The following ADK variants were observed in gnomAD, a reference collection of about 807,000 sequenced individuals.
The protein encoded by ADK is adenosine kinase.
Under a neutral mutation model 44.7 loss-of-function variants are expected in ADK, and 24 were observed. That is an observed-to-expected ratio of 0.54 (90% confidence interval 0.39 to 0.76). The LOEUF (loss-of-function observed/expected upper bound fraction) is 0.76. Ranked by LOEUF, ADK falls within the 30% of genes least tolerant of loss-of-function variation. ADK has a pLI of 0.00. For synonymous variants in ADK, 128 were observed against 142.6 expected, an observed-to-expected ratio of 0.90 and a Z score of 0.73; for missense variants, 321 against 425.1, an observed-to-expected ratio of 0.76 and a Z score of 2.15.
intron 6 of ADK, among the ~76,000 whole-genome samples, chr10:74,480,456 T>G (rs1019722388): frequency 8.3e-4 from 126 of 152,112 alleles, no homozygotes; most frequent in African/African-American, 3.0e-3. Flanking sequence ...TTGTTTGTTT[T>G]TTGTAGAGAC....
chr10:74,632,275 A>G lies in ADK; in HGVS notation c.877+31782A>G, dbSNP rs1286678690. Among the ~76,000 whole-genome samples, 12 of 152,274 alleles carry G rather than the reference A, an allele frequency of 7.9e-5. No homozygotes were observed. The East Asian group carries it at 2.1e-3, about 27-fold the overall frequency. Reference sequence around the variant, plus strand: ...TTTCAAGGTTCATCCACATTATAGCATGTGTCAGTTTTTTACTTCTTTTTA... The same window carrying G: ...TTTCAAGGTTCATCCACATTATAGCGTGTGTCAGTTTTTTACTTCTTTTTA... On this transcript the variant is annotated intron_variant, in intron 9 of 10. Coordinates refer to ENST00000539909, the MANE Select transcript of ADK (RefSeq NM_006721.4).
intron 7 of ADK, among the ~76,000 whole-genome samples, chr10:74,534,366 A>G (rs1849384011): frequency 6.6e-6 from 1 of 152,218 alleles, no homozygotes; most frequent in Non-Finnish European, 1.5e-5. Context: ...AAGTTCCAAA[A>G]ATACACTGCT....
chr10:74,475,879 C>T (rs1846817366), intron 6 of ADK, among the ~76,000 whole-genome samples: 1 of 152,100 alleles, frequency 6.6e-6, no homozygotes, highest in Non-Finnish European at 1.5e-5. Flanking sequence ...AGCATCTGAG[C>T]ACTGTTTTCT....
chr10:74,341,475 C>T (rs1405032370), intron 4 of ADK, among the ~76,000 whole-genome samples: 3 of 148,744 alleles, frequency 2.0e-5, no homozygotes, highest in East Asian at 2.0e-4. Context: ...TGCAGTGAGC[C>T]GAGATCCTGC....
chr10:74,554,578 C>T (rs927371988), intron 7 of ADK, among the ~76,000 whole-genome samples: 24 of 152,088 alleles, frequency 1.6e-4, no homozygotes, highest in African/African-American at 5.6e-4. Flanking sequence ...AAGCTTAGAA[C>T]ATTGTCATTG....
chr10:74,174,472 A>G (rs1313500703), intron 1 of ADK: 1 of 152,114 alleles, frequency 6.6e-6, no homozygotes. Flanking sequence ...CTGGGAACAT[A>G]AAGAAATGCA....
At chr10:74,453,836 A>ATTTT (rs1237844344) in intron 6 of ADK, among the ~76,000 whole-genome samples, 23 of 152,134 alleles carry the variant, frequency 1.5e-4, no homozygotes, top group Non-Finnish European at 1.5e-4. Context: ...TTAAGCATAT[A>ATTTT]AATATTCATG....
At chr10:74,637,789 T>C (rs1853668039) in intron 9 of ADK, among the ~76,000 whole-genome samples, 1 of 152,186 alleles carries the variant, frequency 6.6e-6, no homozygotes, top group Non-Finnish European at 1.5e-5. Context: ...TGAGTCTAGA[T>C]GAGTGGCTGC....
chr10:74,231,407 A>G (rs759767195), intron 3 of ADK, among the ~76,000 whole-genome samples: 4 of 152,078 alleles, frequency 2.6e-5, no homozygotes, highest in East Asian at 3.9e-4. Context: ...CTTTCTATGT[A>G]TGATATTTTC....
chr10:74,311,854 A>G (rs1243718354), intron 3 of ADK, among the ~76,000 whole-genome samples: 2 of 152,208 alleles, frequency 1.3e-5, no homozygotes, highest in Non-Finnish European at 2.9e-5. Context: ...ATAGATAAGT[A>G]GTGCAATCAC....
intron 7 of ADK, among the ~76,000 whole-genome samples, chr10:74,545,980 A>G (rs934972007): frequency 1.3e-5 from 2 of 152,210 alleles, no homozygotes; most frequent in African/African-American, 4.8e-5. Flanking sequence ...TCTTTCTCTT[A>G]GCAAGGTATT....
chr10:74,555,638 T>A (rs16931511), intron 7 of ADK, among the ~76,000 whole-genome samples: 1 of 151,522 alleles, frequency 6.6e-6, no homozygotes, highest in African/African-American at 2.4e-5. Flanking sequence ...TCTAAGTGGC[T>A]TCATACAGAA....
At chr10:74,581,852 T>C (rs1851383972) in intron 7 of ADK, among the ~76,000 whole-genome samples, 1 of 152,164 alleles carries the variant, frequency 6.6e-6, no homozygotes, top group Non-Finnish European at 1.5e-5. Context: ...AAAAGCAGAA[T>C]ACTTTTTCAG....
chr10:74,491,024 T>G (rs1416822702), intron 6 of ADK, among the ~76,000 whole-genome samples: 1 of 152,190 alleles, frequency 6.6e-6, no homozygotes, highest in Non-Finnish European at 1.5e-5. Flanking sequence ...AAAAATGTAG[T>G]ACATTGATCA....
intron 1 of ADK, among the ~76,000 whole-genome samples, chr10:74,188,343 A>ATTTTTTTTTTTTTTTT (rs765922880): frequency 2.5e-5 from 2 of 81,368 alleles, no homozygotes; most frequent in African/African-American, 5.1e-5. Context: ...TGTATTTTTA[A>ATTTTTTTTTTTTTTTT]TTTTTTTTTT....
intron 1 of ADK, among the ~76,000 whole-genome samples, chr10:74,151,742 GC>G (rs1841598046): frequency 6.6e-6 from 1 of 152,228 alleles, no homozygotes; most frequent in Non-Finnish European, 1.5e-5. Context: ...GTACACTGGG[GC>G]AAAGTCAGAA....
intron 6 of ADK, among the ~76,000 whole-genome samples, chr10:74,487,527 TA>T (rs1847307999): frequency 1.3e-5 from 2 of 150,792 alleles, no homozygotes; most frequent in South Asian, 4.2e-4. Flanking sequence ...ATTTTTTGGC[TA>T]TTTTTTTTTT....
At chr10:74,303,038 T>G (rs1236445790) in intron 3 of ADK, among the ~76,000 whole-genome samples, 1 of 152,254 alleles carries the variant, frequency 6.6e-6, no homozygotes, top group African/African-American at 2.4e-5. Flanking sequence ...TAATATTAAC[T>G]TTATGCATAA....
intron 9 of ADK, among the ~76,000 whole-genome samples, chr10:74,618,099 C>CCTA (rs1208619572): frequency 7.2e-6 from 1 of 138,136 alleles, no homozygotes; most frequent in African/African-American, 3.1e-5. Context: ...TTTCTGTGTT[C>CCTA]TTATATGACT....
Sources: allele counts gnomAD v4.1 joint callset (sites outside exome capture counted in the v4.1 genomes callset), GRCh38; gene constraint gnomAD v4.1.1; transcripts MANE v1.5; gene names NCBI Gene and HGNC (gene_info 2026-07-23, HGNC 2026-07-21).